PAQR5: variants seen among roughly 807,000 people sequenced by gnomAD.
The protein encoded by PAQR5 is progestin and adipoQ receptor family member 5, also known as membrane progestin receptor gamma.
A neutral mutation model predicts 34.5 loss-of-function variants in PAQR5; 20 were observed. That is an observed-to-expected ratio of 0.58 (90% CI 0.41 to 0.84). The LOEUF is 0.84. Among genes scored for constraint, PAQR5 ranks in the 40% least tolerant of loss-of-function variants. PAQR5 has a pLI of 0.00. For missense variants in PAQR5, 378 were observed against 412.7 expected (o/e 0.92, Z 0.73); for synonymous variants, 131 against 155.6 (o/e 0.84, Z 1.18).
At position 69,322,746 on chromosome 15, in the gene PAQR5, GA is replaced by G. The variant is rs1566997734; in HGVS notation, c.-276-14593del. Among the ~76,000 whole-genome samples, 237 of 39,470 alleles carry G rather than the reference GA, an allele frequency of 6.0e-3. 43 individuals carry two copies. Among genetic ancestry groups the G allele is most frequent in the African/African-American group, 7.1e-3 (89 of 12,470 alleles). The allele number at this position is 39,470 out of a possible 152,430, so 25.9% of individuals were successfully genotyped here. ...AGAAGAAGAAGAAGAAGAAGAAGAA[GA>G]AGAAGAAGAAGAAGAAGAAGAAGAG... On this transcript the variant is annotated intron_variant, in intron 1 of 8. Coordinates refer to ENST00000395407, the MANE Select transcript of PAQR5 (RefSeq NM_017705.4).
chr15:69,374,954 C>G (rs775840117), intron 3 of PAQR5, among the ~76,000 whole-genome samples: 2 of 152,158 alleles, frequency 1.3e-5, no homozygotes, highest in African/African-American at 4.8e-5. Flanking sequence ...GCCCTGGGAG[C>G]TGGTTAGAAC....
At chr15:69,386,582 G>A (rs899653431) in intron 5 of PAQR5, among the ~76,000 whole-genome samples, 3 of 115,298 alleles carry the variant, frequency 2.6e-5, no homozygotes, top group Non-Finnish European at 5.4e-5. Context: ...CCTCCCTCCC[G>A]GATTCCCTCC....
At position 69,378,036 on chromosome 15, in the gene PAQR5, G is replaced by C. The variant is rs564082024; in HGVS notation, c.52-1847G>C. Among the ~76,000 whole-genome samples, 3 of 152,038 alleles carry C rather than the reference G, an allele frequency of 2.0e-5. No individual in the cohort carries two copies. In the South Asian group the frequency reaches 6.2e-4, roughly 32 times the overall value. On this transcript the variant is annotated intron_variant, in intron 3 of 8. Coordinates refer to ENST00000395407, the MANE Select transcript of PAQR5 (RefSeq NM_017705.4). Reference sequence around the variant, plus strand: ...CCAGCACTTTGGGAGCCCGAGGTGGGTGGATCATTTAAGGTCAGGAGTTTG... The same window carrying C: ...CCAGCACTTTGGGAGCCCGAGGTGGCTGGATCATTTAAGGTCAGGAGTTTG...
intron 2 of PAQR5, among the ~76,000 whole-genome samples, chr15:69,359,288 C>G (rs1035061473): frequency 1.3e-5 from 2 of 152,144 alleles, no homozygotes; most frequent in Admixed American, 6.5e-5. Context: ...ACATTCAGAC[C>G]ATAGTAATTG....
intron 2 of PAQR5, among the ~76,000 whole-genome samples, chr15:69,356,841 A>G (rs1253281714): frequency 3.3e-5 from 5 of 152,314 alleles, no homozygotes; most frequent in African/African-American, 1.2e-4. Context: ...AGGATGAATA[A>G]TATTCCATTG....
At chr15:69,335,676 G>C (rs188345439) in intron 1 of PAQR5, among the ~76,000 whole-genome samples, 2 of 148,380 alleles carry the variant, frequency 1.3e-5, no homozygotes, top group East Asian at 4.1e-4. Context: ...TCAGCCTCCC[G>C]AGTAGCTGGG....
At chr15:69,335,545 T>G (rs1219515510) in intron 1 of PAQR5, among the ~76,000 whole-genome samples, 1 of 27,078 alleles carries the variant, frequency 3.7e-5, no homozygotes. Context: ...GCATCCAGTT[T>G]TTTTTTTTTT....
chr15:69,317,616 C>A (rs1595843918), intron 1 of PAQR5, among the ~76,000 whole-genome samples: 1 of 152,208 alleles, frequency 6.6e-6, no homozygotes, highest in Admixed American at 6.5e-5. Flanking sequence ...ACAATCCCCC[C>A]AGTCCCAGTG....
At chr15:69,344,795 T>C (rs2054726096) in intron 2 of PAQR5, among the ~76,000 whole-genome samples, 1 of 152,218 alleles carries the variant, frequency 6.6e-6, no homozygotes, top group South Asian at 2.1e-4. Context: ...TACACTTATT[T>C]CTATGAAATA....
chr15:69,323,676 A>G (rs1237691838), intron 1 of PAQR5, among the ~76,000 whole-genome samples: 1 of 152,224 alleles, frequency 6.6e-6, no homozygotes, highest in Non-Finnish European at 1.5e-5. Context: ...AAGAATATAC[A>G]TGCTCATTGT....
rs1414459428 is a variant in PAQR5, at chr15:69,385,718, T to C, written c.385+836T>C. 6.6e-6 allele frequency among the ~76,000 whole-genome samples: 1 copy of C among 151,888 alleles called. No individual in the cohort carries two copies. Among genetic ancestry groups the C allele is most frequent in the Non-Finnish European group, 1.5e-5 (1 of 67,946 alleles). On this transcript the variant is annotated intron_variant, in intron 5 of 8. Coordinates refer to ENST00000395407, the MANE Select transcript of PAQR5 (RefSeq NM_017705.4). The surrounding 1 kb of genome is among the most constrained non-coding windows in gnomAD (Gnocchi z 4.7). ...GTTGTCCATGAGGAGCCTACCTCCA[T>C]CCTCTTTCTTCATATACACACGTTC...
chr15:69,389,806 G>C, intron 6 of PAQR5, 26 bp downstream of exon 6: 3 of 1,612,214 alleles, frequency 1.9e-6, no homozygotes, highest in Non-Finnish European at 2.5e-6. Flanking sequence ...ACCTCAGATG[G>C]GAGGGGAGGG....
chr15:69,389,135 A>G (rs1567037395), intron 5 of PAQR5, among the ~76,000 whole-genome samples: 1 of 152,216 alleles, frequency 6.6e-6, no homozygotes, highest in Non-Finnish European at 1.5e-5. Context: ...CCCTCCCTCC[A>G]GCACTGATCT....
Position 69,389,636 on chromosome 15 carries a change from C to T in PAQR5, c.386-18C>T, listed in dbSNP as rs753613096. ...CCAAGGCCTGGCTCCTCTCCCAAGG[C>T]TGGCTTTTCTTCCCCAGGCTCAGCC... On this transcript the variant is annotated intron_variant, in intron 5 of 8. Coordinates refer to ENST00000395407, the MANE Select transcript of PAQR5 (RefSeq NM_017705.4). 1 of 1,614,032 alleles carries T rather than the reference C, an allele frequency of 6.2e-7. No individual in the cohort carries two copies. The highest frequency in any genetic ancestry group is 8.5e-7 in the Non-Finnish European group (1 of 1,179,942).
At chr15:69,386,013 A>G (rs2056097909) in intron 5 of PAQR5, among the ~76,000 whole-genome samples, 1 of 150,588 alleles carries the variant, frequency 6.6e-6, no homozygotes, top group African/African-American at 2.5e-5. Flanking sequence ...CTACACTCAC[A>G]TAAACACACA....
chr15:69,363,534 CTGTTTTTTGTTTT>C (rs1452081755), intron 3 of PAQR5, among the ~76,000 whole-genome samples: 1 of 105,206 alleles, frequency 9.5e-6, no homozygotes, highest in Non-Finnish European at 1.8e-5. Flanking sequence ...AATTGCTAAT[CTGTTTTTTGTTTT>C]TGTTTTTTTT....
chr15:69,388,361 C>T (rs529349962), intron 5 of PAQR5, among the ~76,000 whole-genome samples: 17 of 152,288 alleles, frequency 1.1e-4, no homozygotes, highest in Non-Finnish European at 2.2e-4. Flanking sequence ...TGTCAGAATC[C>T]GGGATGACCT....
At position 69,355,577 on chromosome 15, in the gene PAQR5, C is replaced by T. The variant is rs528563115; in HGVS notation, c.-115-4389C>T. 1.1e-4 allele frequency among the ~76,000 whole-genome samples: 17 copies of T among 151,552 alleles called. No homozygotes were observed. The South Asian group carries it at 1.3e-3, about 11-fold the overall frequency. ...CAGGGATTACAGGCATTCGCCACCA[C>T]GCCCAGCTAATTTTTGTATTTTTAG... On this transcript the variant is annotated intron_variant, in intron 2 of 8. Transcript: ENST00000395407.
chr15:69,300,799 T>C lies in PAQR5; in HGVS notation c.-277+1743T>C, dbSNP rs1447053449. Among the ~76,000 whole-genome samples, 172 of 34,264 alleles carry C rather than the reference T, an allele frequency of 5.0e-3. 40 individuals are homozygous for C. The highest frequency in any genetic ancestry group is 0.014 in the African/African-American group (151 of 11,178). 22.5% of individuals were successfully genotyped at this position (34,264 alleles called of 152,430 possible). On this transcript the variant is annotated intron_variant, in intron 1 of 8. Transcript: ENST00000395407. ...CTCTCTCTCTCTCTTTCTTTCTTTC[T>C]TTCCTTCTTTCCTTCCTTCCTTCCT...
Sources: gnomAD v4.1 joint callset for allele counts (sites outside exome capture counted in the v4.1 genomes callset) on GRCh38, gnomAD v4.1.1 for gene constraint, Gnocchi (gnomAD v3.1) non-coding constraint, MANE v1.5 for transcripts, NCBI Gene and HGNC (gene_info 2026-07-23, HGNC 2026-07-21) for gene names.